The following AHCYL2 variants were observed in gnomAD, a reference collection of about 807,000 sequenced individuals.
AHCYL2 encodes the protein adenosylhomocysteinase like 2, also known as S-adenosylhomocysteine hydrolase-like protein 2.
A neutral mutation model predicts 81.4 loss-of-function variants in AHCYL2; 28 were observed. The ratio of observed to expected loss-of-function variants is 0.34; its 90% CI spans 0.25 to 0.47. AHCYL2 has a LOEUF of 0.47. AHCYL2 is among the 20% of genes least tolerant of loss of function. The probability of loss-of-function intolerance (pLI) is 1.00; values close to 1 mark genes in which losing one functional copy is unlikely to be tolerated. For missense variants in AHCYL2, 551 were observed against 785.1 expected (o/e 0.70, Z 3.56); for synonymous variants, 272 against 290.2 (o/e 0.94, Z 0.64).
chr7:129,249,466 C>T (rs941504377), intron 1 of AHCYL2, among the ~76,000 whole-genome samples: 1 of 151,886 alleles, frequency 6.6e-6, no homozygotes, highest in Admixed American at 6.6e-5. Context: ...TCGCCCAGGC[C>T]GGACTGCGGA....
At chr7:129,320,833 G>A (rs1223276723) in intron 1 of AHCYL2, among the ~76,000 whole-genome samples, 1 of 152,012 alleles carries the variant, frequency 6.6e-6, no homozygotes, top group African/African-American at 2.4e-5. Context: ...TCTGTCTCTC[G>A]ATTTGCTGAT....
At chr7:129,309,077 CA>C (rs1414204497) in intron 1 of AHCYL2, among the ~76,000 whole-genome samples, 1 of 151,700 alleles carries the variant, frequency 6.6e-6, no homozygotes, top group Non-Finnish European at 1.5e-5. Flanking sequence ...ACTAAAAATA[CA>C]AAAATTAGCC....
chr7:129,426,810 C>G lies in AHCYL2; in HGVS notation c.1830-229C>G, dbSNP rs2150973324. 6.6e-6 allele frequency among the ~76,000 whole-genome samples: 1 copy of G among 152,012 alleles called. No homozygotes were observed. Among genetic ancestry groups the G allele is most frequent in the African/African-American group, 2.4e-5 (1 of 41,494 alleles). ...CTATTTGCCTCATTAAATAAAGTTCCCCTTCCTCAATTCCTTTCCCCATTT... is the reference window on the plus strand; with the variant it reads ...CTATTTGCCTCATTAAATAAAGTTCGCCTTCCTCAATTCCTTTCCCCATTT... On this transcript the variant is annotated intron_variant, in intron 16 of 16. Transcript: ENST00000325006. This position sits in a 1 kb window ranked among gnomAD's most constrained non-coding sequence, Gnocchi z 4.3.
Position 129,400,365 on chromosome 7 carries a change from A to AG in AHCYL2, c.902dup (p.Trp302LeufsTer9). The AG allele has an allele frequency of 6.2e-7, 1 of 1,612,986 alleles. No individual in the cohort carries two copies. The highest frequency in any genetic ancestry group is 8.5e-7 in the Non-Finnish European group (1 of 1,179,290). On this transcript the variant is annotated frameshift_variant, in exon 6 of 17. Coordinates refer to ENST00000325006, the MANE Select transcript of AHCYL2 (RefSeq NM_015328.4). LOFTEE classifies it high-confidence loss of function. The stretch of plus-strand genomic sequence containing the variant: ...TGTATCGATAGATGTGTGAATGTGG[A>AG]GGGCTGGCAGCCAAACATGGTGGGT...
intron 1 of AHCYL2, among the ~76,000 whole-genome samples, chr7:129,243,720 T>A (rs1227599296): frequency 3.3e-5 from 5 of 152,078 alleles, no homozygotes; most frequent in Non-Finnish European, 5.9e-5. Context: ...TAGCTGGGAC[T>A]ACAGGCGCCC....
chr7:129,321,763 TTGGTCTTG>T (rs1320486200), intron 1 of AHCYL2, among the ~76,000 whole-genome samples: 3 of 133,386 alleles, frequency 2.2e-5, no homozygotes, highest in Non-Finnish European at 3.2e-5. Flanking sequence ...TTTTTTTTTT[TTGGTCTTG>T]GTTTTGTTTT....
chr7:129,360,834 G>A (rs1351406478), intron 1 of AHCYL2, among the ~76,000 whole-genome samples: 1 of 152,190 alleles, frequency 6.6e-6, no homozygotes, highest in Non-Finnish European at 1.5e-5. Flanking sequence ...GGTCTTATAT[G>A]TCATCATGCT....
chr7:129,271,084 C>T (rs1336378699), intron 1 of AHCYL2, among the ~76,000 whole-genome samples: 6 of 151,876 alleles, frequency 4.0e-5, no homozygotes, highest in East Asian at 3.9e-4. Context: ...AAGTTTGGGC[C>T]GGGCGTGGTG....
chr7:129,426,251 GAA>G lies in AHCYL2; in HGVS notation c.1709-190_1709-189del, dbSNP rs1025782650. ...GTAAGGATGAATTATTAAGGCTTTG[GAA>G]AGCACTGGGCTTGAAGCTGAAGGCA... is the stretch of plus-strand genomic sequence containing the variant. On this transcript the variant is annotated intron_variant, in intron 15 of 16. Transcript: ENST00000325006. The surrounding 1 kb of genome is among the most constrained non-coding windows in gnomAD (Gnocchi z 4.3). Among the ~76,000 whole-genome samples the G allele has an allele frequency of 1.1e-4, 17 of 152,332 alleles. No individual in the cohort carries two copies. Among genetic ancestry groups the G allele is most frequent in the Admixed American group, 7.8e-4 (12 of 15,308 alleles).
chr7:129,285,475 C>T (rs760636422), intron 1 of AHCYL2, among the ~76,000 whole-genome samples: 1 of 152,078 alleles, frequency 6.6e-6, no homozygotes, highest in Non-Finnish European at 1.5e-5. Flanking sequence ...TGCCAGTCTT[C>T]CCATGGTGTC....
chr7:129,302,959 T>G (rs1024624758), intron 1 of AHCYL2, among the ~76,000 whole-genome samples: 1 of 152,116 alleles, frequency 6.6e-6, no homozygotes, highest in African/African-American at 2.4e-5. Flanking sequence ...TTGGTAAAAT[T>G]CAGCAGTGAA....
intron 1 of AHCYL2, among the ~76,000 whole-genome samples, chr7:129,286,896 A>C (rs1053226880): frequency 3.3e-5 from 5 of 152,228 alleles, no homozygotes; most frequent in African/African-American, 1.2e-4. Flanking sequence ...TAAAATAGCT[A>C]TAAACCCGCC....
At chr7:129,241,446 C>A (rs1381512501) in intron 1 of AHCYL2, among the ~76,000 whole-genome samples, 1 of 151,850 alleles carries the variant, frequency 6.6e-6, no homozygotes, top group Non-Finnish European at 1.5e-5. Context: ...TAAAAATTAG[C>A]CAGGTGTGGT....
intron 5 of AHCYL2, among the ~76,000 whole-genome samples, chr7:129,398,328 T>G (rs1795843475): frequency 6.7e-6 from 1 of 149,518 alleles, no homozygotes; most frequent in Non-Finnish European, 1.5e-5. Context: ...TTTTTCTGTT[T>G]TTTTTTTTAA....
At chr7:129,380,363 C>G (rs1217001508) in intron 2 of AHCYL2, among the ~76,000 whole-genome samples, 2 of 152,188 alleles carry the variant, frequency 1.3e-5, no homozygotes, top group Non-Finnish European at 2.9e-5. Flanking sequence ...GGCTAGTATG[C>G]TAAACGCTGC....
chr7:129,411,153 A>G (rs1349021668), intron 11 of AHCYL2, among the ~76,000 whole-genome samples: 1 of 151,622 alleles, frequency 6.6e-6, no homozygotes, highest in Non-Finnish European at 1.5e-5. Context: ...ACTGTTTTTT[A>G]GTAATTCACA....
intron 1 of AHCYL2, among the ~76,000 whole-genome samples, chr7:129,319,006 A>T (rs923816667): frequency 1.3e-5 from 2 of 152,118 alleles, no homozygotes; most frequent in Non-Finnish European, 2.9e-5. Flanking sequence ...GAAACTGGGG[A>T]AAATATTTGC....
chr7:129,273,321 CTTTTTT>C (rs35236990), intron 1 of AHCYL2, among the ~76,000 whole-genome samples: 12 of 75,896 alleles, frequency 1.6e-4, no homozygotes, highest in East Asian at 1.4e-3. Flanking sequence ...TTTGCTAAGA[CTTTTTT>C]TTTTTTTTTT....
At chr7:129,292,201 G>T (rs971969575) in intron 1 of AHCYL2, among the ~76,000 whole-genome samples, 8 of 152,090 alleles carry the variant, frequency 5.3e-5, no homozygotes, top group Admixed American at 1.3e-4. Context: ...CTTGTTTTGT[G>T]TGGTTATAAA....
Sources: gnomAD v4.1 joint callset for allele counts (sites outside exome capture counted in the v4.1 genomes callset) on GRCh38, gnomAD v4.1.1 for gene constraint, Gnocchi (gnomAD v3.1) non-coding constraint, MANE v1.5 for transcripts, NCBI Gene and HGNC (gene_info 2026-07-23, HGNC 2026-07-21) for gene names.